PPM1L: variants seen among roughly 807,000 people sequenced by gnomAD.
PPM1L encodes the protein protein phosphatase, Mg2+/Mn2+ dependent 1L, also known as protein phosphatase 1L.
In PPM1L, 13 loss-of-function variants were observed where a neutral mutation model predicts 31.4. That is an observed-to-expected ratio of 0.41 (90% CI 0.27 to 0.66). The LOEUF (loss-of-function observed/expected upper bound fraction) is 0.66. Ranked by LOEUF, PPM1L falls within the 30% of genes least tolerant of loss-of-function variation. The pLI is 0.29. For missense variants in PPM1L, 326 were observed against 453.7 expected, an observed-to-expected ratio of 0.72 and a Z score of 2.56; for synonymous variants, 184 against 175.4, an observed-to-expected ratio of 1.05 and a Z score of -0.39.
intron 2 of PPM1L, among the ~76,000 whole-genome samples, chr3:161,053,323 CAG>C (rs1719328046): frequency 6.6e-6 from 1 of 152,058 alleles, no homozygotes; most frequent in South Asian, 2.1e-4. Flanking sequence ...TAGTCATGCC[CAG>C]AGAGTATATA....
Position 161,075,326 on chromosome 3 carries a change from T to A in PPM1L, c.*6169T>A, listed in dbSNP as rs1390554096. The stretch of plus-strand genomic sequence containing the variant: ...CATTAAAAATGTAAAAAGTAGCTTA[T>A]AAGAAATGTGGATTATCAGATTTTT... On this transcript the variant is annotated 3_prime_UTR_variant, in exon 4 of 4. Transcript: ENST00000498165. 6.6e-6 allele frequency: 1 copy of A among 152,228 alleles called. No individual in the cohort carries two copies. The highest frequency in any genetic ancestry group is 1.5e-5 in the Non-Finnish European group (1 of 68,042). 9.4% of individuals were successfully genotyped at this position (152,228 alleles called of 1,614,324 possible).
intron 2 of PPM1L, among the ~76,000 whole-genome samples, chr3:160,962,627 G>C (rs1004468142): frequency 4.0e-5 from 6 of 151,844 alleles, no homozygotes; most frequent in Non-Finnish European, 8.8e-5. Context: ...CAGGAAAAAA[G>C]GTTTCTAATG....
rs898942879 is a variant in PPM1L at position 160,838,090 on chromosome 3, T to C, written c.399+81383T>C. ...GTTTCAGCTACTAACTGGTGGTGTC[T>C]CTTCTGATTGACCTTAGTTCATAGA... On this transcript the variant is annotated intron_variant, in intron 1 of 3. Coordinates refer to ENST00000498165, the MANE Select transcript of PPM1L (RefSeq NM_139245.4). 1.7e-4 allele frequency among the ~76,000 whole-genome samples: 26 copies of C among 152,292 alleles called. No homozygotes were observed. The South Asian group carries it at 2.5e-3, about 15-fold the overall frequency.
At chr3:160,959,608 T>C (rs1286874682) in intron 1 of PPM1L, among the ~76,000 whole-genome samples, 1 of 152,084 alleles carries the variant, frequency 6.6e-6, no homozygotes, top group Non-Finnish European at 1.5e-5. Flanking sequence ...GGCGGGTGCA[T>C]CACCTGAGGT....
intron 1 of PPM1L, among the ~76,000 whole-genome samples, chr3:160,759,165 G>A (rs1714896627): frequency 6.6e-6 from 1 of 152,124 alleles, no homozygotes; most frequent in Non-Finnish European, 1.5e-5. Context: ...TTTTAGTATA[G>A]ATGATGTTAG....
intron 2 of PPM1L, among the ~76,000 whole-genome samples, chr3:160,997,817 T>C (rs928435716): frequency 3.9e-5 from 6 of 152,150 alleles, no homozygotes; most frequent in African/African-American, 1.4e-4. Flanking sequence ...ATTTTATAAA[T>C]TTCCTCCTTT....
At chr3:160,938,073 A>G (rs751929041) in intron 1 of PPM1L, among the ~76,000 whole-genome samples, 5 of 152,162 alleles carry the variant, frequency 3.3e-5, no homozygotes, top group Non-Finnish European at 1.5e-5. Context: ...ATTACTTCTT[A>G]TTATCACCAC....
At chr3:160,807,952 A>G (rs927355894) in intron 1 of PPM1L, among the ~76,000 whole-genome samples, 11 of 152,220 alleles carry the variant, frequency 7.2e-5, no homozygotes, top group African/African-American at 1.9e-4. Flanking sequence ...AGATGATAAT[A>G]TCAATCATGT....
At chr3:161,043,849 G>A (rs1310852975) in intron 2 of PPM1L, among the ~76,000 whole-genome samples, 1 of 152,036 alleles carries the variant, frequency 6.6e-6, no homozygotes, top group Non-Finnish European at 1.5e-5. Context: ...GATGTATCTG[G>A]TGGTGTTTCG....
At chr3:160,877,384 T>G (rs1348034202) in intron 1 of PPM1L, among the ~76,000 whole-genome samples, 1 of 152,216 alleles carries the variant, frequency 6.6e-6, no homozygotes, top group Non-Finnish European at 1.5e-5. Flanking sequence ...GCTGAGATGC[T>G]TCTTGCCTCA....
intron 1 of PPM1L, among the ~76,000 whole-genome samples, chr3:160,852,061 G>A (rs945385677): frequency 6.6e-6 from 1 of 152,124 alleles, no homozygotes; most frequent in African/African-American, 2.4e-5. Flanking sequence ...AATCTTCAGG[G>A]CGAATGAAGA....
chr3:160,889,370 AC>A (rs1383532352), intron 1 of PPM1L, among the ~76,000 whole-genome samples: 1 of 152,170 alleles, frequency 6.6e-6, no homozygotes, highest in African/African-American at 2.4e-5. Context: ...TACTATAAAC[AC>A]CTCTACACAA....
At chr3:160,940,954 T>G (rs901015810) in intron 1 of PPM1L, among the ~76,000 whole-genome samples, 1 of 152,144 alleles carries the variant, frequency 6.6e-6, no homozygotes, top group African/African-American at 2.4e-5. Flanking sequence ...GGCTATACCC[T>G]TTAAAACCAC....
intron 1 of PPM1L, among the ~76,000 whole-genome samples, chr3:160,798,883 A>G (rs1365686074): frequency 1.3e-5 from 2 of 152,240 alleles, no homozygotes; most frequent in Admixed American, 6.5e-5. Context: ...TCTAAATGCC[A>G]TTAGGAACAT....
chr3:161,020,249 G>GT (rs1718204427), intron 2 of PPM1L, among the ~76,000 whole-genome samples: 1 of 151,628 alleles, frequency 6.6e-6, no homozygotes, highest in Admixed American at 6.6e-5. Flanking sequence ...CTGAACCCTC[G>GT]TGTAGGCAAA....
At chr3:160,959,357 C>T (rs1339618160) in intron 1 of PPM1L, among the ~76,000 whole-genome samples, 1 of 152,090 alleles carries the variant, frequency 6.6e-6, no homozygotes, top group African/African-American at 2.4e-5. Flanking sequence ...GTACACTGCT[C>T]CAGTGATGGG....
At chr3:160,920,797 A>G (rs1159618557) in intron 1 of PPM1L, among the ~76,000 whole-genome samples, 1 of 152,162 alleles carries the variant, frequency 6.6e-6, no homozygotes, top group Non-Finnish European at 1.5e-5. Context: ...CTGTCTTCAT[A>G]TACTAGAAAC....
intron 1 of PPM1L, among the ~76,000 whole-genome samples, chr3:160,893,923 A>T (rs1312161081): frequency 6.6e-6 from 1 of 152,178 alleles, no homozygotes; most frequent in Admixed American, 6.6e-5. Flanking sequence ...ATGTGGTATG[A>T]TACTTTTACA....
At chr3:161,062,251 C>G (rs1354719196) in intron 2 of PPM1L, among the ~76,000 whole-genome samples, 15 of 152,106 alleles carry the variant, frequency 9.9e-5, no homozygotes, top group Admixed American at 9.8e-4. Context: ...TCCTAAACTT[C>G]TCCCCTCATC....
Sources: gnomAD v4.1 joint callset for allele counts (sites outside exome capture counted in the v4.1 genomes callset) on GRCh38, gnomAD v4.1.1 for gene constraint, MANE v1.5 for transcripts, NCBI Gene and HGNC (gene_info 2026-07-23, HGNC 2026-07-21) for gene names.